CDH2: variants seen among roughly 807,000 people sequenced by gnomAD.
CDH2 encodes cadherin-2.
Under a neutral mutation model 92.0 loss-of-function variants are expected in CDH2, and 17 were observed. That is an observed-to-expected ratio of 0.18 (90% CI 0.13 to 0.28). CDH2 has a LOEUF of 0.28. CDH2 is among the 10% of genes least tolerant of loss of function. The pLI, the probability that CDH2 is intolerant of heterozygous loss-of-function variation, is 1.00. For synonymous variants in CDH2, 419 were observed against 415.9 expected, an observed-to-expected ratio of 1.01 and a Z score of -0.09; for missense variants, 862 against 1,133.1, an observed-to-expected ratio of 0.76 and a Z score of 3.44.
chr18:28,129,431 C>A (rs552498417), intron 2 of CDH2, among the ~76,000 whole-genome samples: 1 of 152,286 alleles, frequency 6.6e-6, no homozygotes, highest in African/African-American at 2.4e-5. Context: ...ACCAAAATAT[C>A]AAAACTTTAT....
At chr18:28,014,629 G>A (rs963665971) in intron 2 of CDH2, among the ~76,000 whole-genome samples, 2 of 151,658 alleles carry the variant, frequency 1.3e-5, no homozygotes. Context: ...TAAAAATAAA[G>A]GTGTATCCCA....
intron 6 of CDH2, among the ~76,000 whole-genome samples, chr18:27,938,782 G>A (rs994267915): frequency 6.6e-6 from 1 of 152,092 alleles, no homozygotes; most frequent in Non-Finnish European, 1.5e-5. Flanking sequence ...TAATTTCTGT[G>A]TGTGTAATCT....
At chr18:28,011,566 A>G (rs2013100204) in intron 4 of CDH2, among the ~76,000 whole-genome samples, 1 of 152,168 alleles carries the variant, frequency 6.6e-6, no homozygotes, top group Admixed American at 6.5e-5. Flanking sequence ...ATGGTTGGGA[A>G]TATGTGTTGG....
intron 2 of CDH2, among the ~76,000 whole-genome samples, chr18:28,065,225 A>G (rs117921956): frequency 1.6e-3 from 237 of 152,248 alleles, no homozygotes; most frequent in Middle Eastern, 3.4e-3. Context: ...TCCCCTGTTG[A>G]CATTTCATTG....
intron 2 of CDH2, among the ~76,000 whole-genome samples, chr18:28,139,359 C>T (rs2015916228): frequency 6.6e-6 from 1 of 152,048 alleles, no homozygotes; most frequent in African/African-American, 2.4e-5. Context: ...TCTTCAAAAA[C>T]AAATGGCCTC....
At chr18:28,169,206 T>TA (rs1470428360) in intron 1 of CDH2, among the ~76,000 whole-genome samples, 1 of 152,178 alleles carries the variant, frequency 6.6e-6, no homozygotes, top group East Asian at 1.9e-4. Flanking sequence ...CTGCTGTATC[T>TA]GCTCTACTGA....
intron 2 of CDH2, among the ~76,000 whole-genome samples, chr18:28,079,373 A>G (rs1429547825): frequency 6.6e-6 from 1 of 152,196 alleles, no homozygotes; most frequent in Non-Finnish European, 1.5e-5. Flanking sequence ...AGTTTACATG[A>G]CTTTCAATCC....
intron 7 of CDH2, among the ~76,000 whole-genome samples, chr18:27,998,178 C>T (rs1268528601): frequency 6.6e-6 from 1 of 152,180 alleles, no homozygotes; most frequent in African/African-American, 2.4e-5. Context: ...GTACCATCTA[C>T]CTTATAAATG....
At chr18:28,009,571 A>T in intron 5 of CDH2, 146 bp downstream of exon 5, 1 of 554,620 alleles carries the variant, frequency 1.8e-6, no homozygotes, top group East Asian at 3.2e-5. Context: ...AAACAATAAC[A>T]TTATTAAAAT....
chr18:28,115,303 A>T (rs1212719303), intron 2 of CDH2, among the ~76,000 whole-genome samples: 2 of 152,124 alleles, frequency 1.3e-5, no homozygotes, highest in Non-Finnish European at 2.9e-5. Context: ...CCTTGTGGGA[A>T]GTGGGGCATG....
chr18:27,961,659 T>C (rs2011407927), intron 15 of CDH2, among the ~76,000 whole-genome samples: 1 of 152,188 alleles, frequency 6.6e-6, no homozygotes, highest in African/African-American at 2.4e-5. Flanking sequence ...TAAATAAACC[T>C]TACTGTTTGT....
chr18:28,120,632 T>C (rs931636349), intron 2 of CDH2, among the ~76,000 whole-genome samples: 1 of 152,054 alleles, frequency 6.6e-6, no homozygotes, highest in Non-Finnish European at 1.5e-5. Flanking sequence ...AGAAGACAGA[T>C]GAACAGTACT....
intron 2 of CDH2, among the ~76,000 whole-genome samples, chr18:28,133,876 G>A (rs935909550): frequency 1.3e-5 from 2 of 151,956 alleles, no homozygotes; most frequent in African/African-American, 4.8e-5. Context: ...ATGTATTTCT[G>A]GGCCAGGCAC....
At chr18:27,973,428 C>T (rs1311238623) in intron 14 of CDH2, among the ~76,000 whole-genome samples, 2 of 152,150 alleles carry the variant, frequency 1.3e-5, no homozygotes. Flanking sequence ...GTACTAGAAG[C>T]TTTCTTCAGA....
chr18:28,012,458 C>G (rs1189101892), intron 3 of CDH2, among the ~76,000 whole-genome samples: 1 of 152,138 alleles, frequency 6.6e-6, no homozygotes, highest in African/African-American at 2.4e-5. Context: ...CCTATTATAT[C>G]CCACAGAATT....
intron 2 of CDH2, among the ~76,000 whole-genome samples, chr18:28,124,938 A>G (rs1340874241): frequency 2.6e-5 from 4 of 152,216 alleles, no homozygotes; most frequent in African/African-American, 4.8e-5. Flanking sequence ...ATTAGACACA[A>G]ATATGAGTTA....
chr18:28,125,633 A>C (rs1245946087), intron 2 of CDH2, among the ~76,000 whole-genome samples: 2 of 152,150 alleles, frequency 1.3e-5, no homozygotes, highest in Non-Finnish European at 2.9e-5. Context: ...AATTGGGTTA[A>C]AAACCCCTAA....
chr18:27,966,421 C>CAAA (rs1442349972), intron 14 of CDH2, among the ~76,000 whole-genome samples: 1 of 152,186 alleles, frequency 6.6e-6, no homozygotes, highest in Non-Finnish European at 1.5e-5. Flanking sequence ...GGCATGTGGG[C>CAAA]TTTGCTCATG....
At chr18:28,026,534 C>A (rs2013558503) in intron 2 of CDH2, among the ~76,000 whole-genome samples, 1 of 152,100 alleles carries the variant, frequency 6.6e-6, no homozygotes, top group Admixed American at 6.5e-5. Flanking sequence ...CTAGAACAAC[C>A]ATAGCCTGAC....
Sources: gnomAD v4.1 joint callset for allele counts (sites outside exome capture counted in the v4.1 genomes callset) on GRCh38, gnomAD v4.1.1 for gene constraint, MANE v1.5 for transcripts, NCBI Gene and HGNC (gene_info 2026-07-23, HGNC 2026-07-21) for gene names.